The following CCDC102B variants were observed in gnomAD, a reference collection of about 807,000 sequenced individuals.
CCDC102B encodes coiled-coil domain-containing protein 102B.
CCDC102B carries 75 observed loss-of-function variants against 57.4 expected under a neutral mutation model. That is an observed-to-expected ratio of 1.31 (90% CI 1.08 to 1.58). The LOEUF is 1.58. Ranked by LOEUF, CCDC102B falls within the 40% of genes most tolerant of loss-of-function variation. The probability of loss-of-function intolerance (pLI) is 0.00; values close to 1 mark genes in which losing one functional copy is unlikely to be tolerated. For missense variants in CCDC102B, 636 were observed against 582.6 expected (o/e 1.09, Z -0.94); for synonymous variants, 206 against 201.9 (o/e 1.02, Z -0.17).
At chr18:68,791,384 G>A (rs1036823232) in intron 2 of CCDC102B, among the ~76,000 whole-genome samples, 5 of 152,132 alleles carry the variant, frequency 3.3e-5, no homozygotes, top group African/African-American at 9.7e-5. Context: ...AAAAAGCAGT[G>A]CTTAGCCTTA....
intron 5 of CCDC102B, among the ~76,000 whole-genome samples, chr18:68,889,026 C>G (rs2039982261): frequency 2.9e-5 from 1 of 34,202 alleles, no homozygotes; most frequent in Non-Finnish European, 6.2e-5. Context: ...AGTAGTTTTT[C>G]TTTGTTTTTT....
intron 6 of CCDC102B, among the ~76,000 whole-genome samples, chr18:68,959,793 A>G (rs115895184): frequency 1.3e-3 from 203 of 152,112 alleles, no homozygotes; most frequent in African/African-American, 4.7e-3. Flanking sequence ...CATGGTGTGT[A>G]TTACCAAGAT....
chr18:68,932,526 A>T (rs866968083), intron 6 of CCDC102B, among the ~76,000 whole-genome samples: 1 of 151,868 alleles, frequency 6.6e-6, no homozygotes, highest in Non-Finnish European at 1.5e-5. Flanking sequence ...TGGTGTATAC[A>T]ATTATTTTAG....
At chr18:69,049,584 A>G (rs1240076840) in intron 7 of CCDC102B, among the ~76,000 whole-genome samples, 1 of 152,146 alleles carries the variant, frequency 6.6e-6, no homozygotes, top group Admixed American at 6.6e-5. Flanking sequence ...GAATAAAATC[A>G]CACAGACCCA....
chr18:68,775,907 C>A (rs918191687), intron 2 of CCDC102B, among the ~76,000 whole-genome samples: 3 of 152,142 alleles, frequency 2.0e-5, no homozygotes, highest in African/African-American at 4.8e-5. Context: ...CTGCCTTGGC[C>A]TCCCCAAGTG....
rs144702707 is a variant in CCDC102B at position 68,939,914 on chromosome 18, T to C, written c.1263+42486T>C. 6.5e-3 allele frequency among the ~76,000 whole-genome samples: 987 copies of C among 151,972 alleles called. 10 individuals carry two copies. The highest frequency in any genetic ancestry group is 0.023 in the African/African-American group (944 of 41,556). On this transcript the variant is annotated intron_variant, in intron 6 of 7. Transcript: ENST00000360242. ...ACCAAATCCTTTGAACATATGGGCT[T>C]GTCAATTCTGTTAGGTGCTTTTGCC...
intron 1 of CCDC102B, among the ~76,000 whole-genome samples, chr18:68,833,922 C>T (rs866290998): frequency 2.0e-5 from 3 of 152,078 alleles, no homozygotes; most frequent in South Asian, 2.1e-4. Flanking sequence ...TATTTTCCCA[C>T]GTATCAGCGG....
chr18:68,868,342 C>T (rs1480448021), intron 4 of CCDC102B, among the ~76,000 whole-genome samples: 1 of 151,972 alleles, frequency 6.6e-6, no homozygotes, highest in Non-Finnish European at 1.5e-5. Flanking sequence ...TTTGTTAAAG[C>T]TAAACATAAT....
chr18:68,975,683 T>C (rs1219139309), intron 6 of CCDC102B, among the ~76,000 whole-genome samples: 1 of 152,056 alleles, frequency 6.6e-6, no homozygotes, highest in African/African-American at 2.4e-5. Context: ...TTCTGTGTAG[T>C]GTTCATTCAC....
intron 6 of CCDC102B, among the ~76,000 whole-genome samples, chr18:68,917,347 G>A (rs2041109329): frequency 6.6e-6 from 1 of 152,136 alleles, no homozygotes; most frequent in Non-Finnish European, 1.5e-5. Context: ...GATGATGGCT[G>A]ATGAGCCTGG....
At chr18:68,800,586 C>G (rs987212303) in intron 1 of CCDC102B, among the ~76,000 whole-genome samples, 1 of 152,088 alleles carries the variant, frequency 6.6e-6, no homozygotes, top group Non-Finnish European at 1.5e-5. Context: ...AAAATGTCAT[C>G]ACTGATTTGC....
chr18:68,861,270 G>T (rs547785081), intron 4 of CCDC102B, among the ~76,000 whole-genome samples: 9 of 146,796 alleles, frequency 6.1e-5, no homozygotes, highest in Non-Finnish European at 1.3e-4. Context: ...TTTATCACTT[G>T]TGCTTTTTTT....
chr18:69,019,271 T>G (rs1241327181), intron 7 of CCDC102B, among the ~76,000 whole-genome samples: 5 of 152,102 alleles, frequency 3.3e-5, no homozygotes, highest in Admixed American at 3.3e-4. Context: ...TCATAGGTAT[T>G]GTATTGAATC....
chr18:68,988,320 A>G (rs2050776076), intron 6 of CCDC102B, among the ~76,000 whole-genome samples: 1 of 152,104 alleles, frequency 6.6e-6, no homozygotes, highest in African/African-American at 2.4e-5. Context: ...GGATGATCTC[A>G]CTTATAAGTG....
intron 2 of CCDC102B, among the ~76,000 whole-genome samples, chr18:68,730,798 A>G (rs1303859364): frequency 1.3e-5 from 2 of 152,220 alleles, no homozygotes; most frequent in African/African-American, 4.8e-5. Context: ...TGTCTTCTAC[A>G]TGATGTATTT....
intron 7 of CCDC102B, among the ~76,000 whole-genome samples, chr18:69,034,765 A>G (rs1442431041): frequency 1.3e-5 from 2 of 151,610 alleles, no homozygotes; most frequent in Admixed American, 1.3e-4. Flanking sequence ...GTGTATATAT[A>G]TACACACACA....
chr18:68,966,809 G>T (rs2050176394), intron 6 of CCDC102B, among the ~76,000 whole-genome samples: 1 of 152,022 alleles, frequency 6.6e-6, no homozygotes, highest in Admixed American at 6.6e-5. Context: ...ATATACTGAT[G>T]GGCCTAGCAT....
At chr18:68,925,244 A>T (rs1022333660) in intron 6 of CCDC102B, among the ~76,000 whole-genome samples, 2 of 152,064 alleles carry the variant, frequency 1.3e-5, no homozygotes, top group African/African-American at 2.4e-5. Flanking sequence ...TCATATTAGT[A>T]TCAGTTGGAG....
At chr18:68,895,072 T>C (rs2040198571) in intron 5 of CCDC102B, among the ~76,000 whole-genome samples, 1 of 151,856 alleles carries the variant, frequency 6.6e-6, no homozygotes. Context: ...ACTTTATCAT[T>C]TTTATTCTGA....
Sources: allele counts gnomAD v4.1 joint callset (sites outside exome capture counted in the v4.1 genomes callset), GRCh38; gene constraint gnomAD v4.1.1; transcripts MANE v1.5; gene names NCBI Gene and HGNC (gene_info 2026-07-23, HGNC 2026-07-21).